The following TSEN2 variants were observed in gnomAD, a reference collection of about 807,000 sequenced individuals.
TSEN2 encodes tRNA splicing endonuclease subunit 2, also known as tRNA-splicing endonuclease subunit Sen2.
A neutral mutation model predicts 59.2 loss-of-function variants in TSEN2; 54 were observed. The ratio of observed to expected loss-of-function variants is 0.91; its 90% CI spans 0.73 to 1.14. TSEN2 has a LOEUF of 1.14. Among genes scored for constraint, TSEN2 ranks in the 50% most tolerant of loss-of-function variants. TSEN2 has a pLI of 0.00. For missense variants in TSEN2, 636 were observed against 576.2 expected, an observed-to-expected ratio of 1.10 and a Z score of -1.06; for synonymous variants, 195 against 198.2, an observed-to-expected ratio of 0.98 and a Z score of 0.14.
At chr3:12,525,599 G>A (rs1037385597) in intron 8 of TSEN2, among the ~76,000 whole-genome samples, 14 of 151,916 alleles carry the variant, frequency 9.2e-5, no homozygotes, top group Admixed American at 7.9e-4. Context: ...CTCTATCCCC[G>A]AGGGTGGAGT....
At chr3:12,510,043 G>A (rs564135368) in intron 6 of TSEN2, among the ~76,000 whole-genome samples, 2 of 152,338 alleles carry the variant, frequency 1.3e-5, no homozygotes, top group South Asian at 2.1e-4. Context: ...ACTTGATACT[G>A]AAGATTCTAA....
chr3:12,492,096 A>G (rs1477179104), intron 2 of TSEN2, 40 bp from the exon 3 acceptor site: 2 of 1,561,994 alleles, frequency 1.3e-6, no homozygotes, highest in Admixed American at 1.7e-5. Context: ...AAAACTGGTA[A>G]CTAAGCATGA....
chr3:12,495,257 G>T (rs370042422), intron 3 of TSEN2, among the ~76,000 whole-genome samples: 55 of 151,412 alleles, frequency 3.6e-4, no homozygotes, highest in East Asian at 2.0e-3. Context: ...GTAACTTTTG[G>T]TTTTTTTGGA....
At chr3:12,525,953 A>AT (rs1457355719) in intron 8 of TSEN2, among the ~76,000 whole-genome samples, 3 of 151,972 alleles carry the variant, frequency 2.0e-5, no homozygotes, top group African/African-American at 7.3e-5. Flanking sequence ...GGTGATAGGG[A>AT]TTTTTCAGCT....
intron 1 of TSEN2, 54 bp downstream of exon 1, chr3:12,484,934 G>GT (rs1559261305): frequency 6.6e-6 from 1 of 152,256 alleles, no homozygotes; most frequent in Admixed American, 6.5e-5. Context: ...GGGGTGCGCA[G>GT]TTTATTTTAT....
At chr3:12,492,806 G>A (rs779447675) in intron 3 of TSEN2, among the ~76,000 whole-genome samples, 7 of 152,152 alleles carry the variant, frequency 4.6e-5, no homozygotes, top group Non-Finnish European at 7.4e-5. Flanking sequence ...ATACTGCATT[G>A]GTGAGGACTT....
chr3:12,512,477 T>C (rs375726368), intron 6 of TSEN2, among the ~76,000 whole-genome samples: 47 of 152,350 alleles, frequency 3.1e-4, no homozygotes, highest in African/African-American at 1.1e-3. Flanking sequence ...GCTCGTTTGG[T>C]TCCTGCCTTT....
intron 10 of TSEN2, 83 bp from the exon 11 acceptor site, chr3:12,531,487 G>T: frequency 1.2e-6 from 1 of 846,668 alleles, no homozygotes; most frequent in South Asian, 1.4e-5. Context: ...AGGGACTGGA[G>T]ACCACCTGCA....
intron 3 of TSEN2, among the ~76,000 whole-genome samples, chr3:12,496,235 C>G (rs1412307087): frequency 6.6e-6 from 1 of 152,228 alleles, no homozygotes; most frequent in Non-Finnish European, 1.5e-5. Flanking sequence ...GAGAGGTTTC[C>G]TCCTGTGCTG....
At chr3:12,509,144 A>C (rs1478357353) in intron 6 of TSEN2, among the ~76,000 whole-genome samples, 2 of 152,044 alleles carry the variant, frequency 1.3e-5, no homozygotes, top group Non-Finnish European at 2.9e-5. Flanking sequence ...AAGCAGTTGC[A>C]TAATGCTGTC....
At chr3:12,515,642 A>C (rs1213224092) in intron 6 of TSEN2, among the ~76,000 whole-genome samples, 5 of 152,194 alleles carry the variant, frequency 3.3e-5, no homozygotes, top group Admixed American at 3.3e-4. Context: ...AGTGTTTGGC[A>C]GTGTATTACT....
At position 12,503,262 on chromosome 3, in the gene TSEN2, G is replaced by A. The variant is rs148549222; in HGVS notation, c.309G>A (p.Arg103=). 1.8e-4 allele frequency: 291 copies of A among 1,614,080 alleles called. No individual in the cohort carries two copies. The highest frequency in any genetic ancestry group is 6.3e-4 in the Admixed American group (38 of 60,014). The change falls in exon 5 of 12, where the codon AGG becomes AGA. Residue 103 remains arginine (R), a splice_region_variant and synonymous_variant. Coordinates refer to ENST00000284995, the MANE Select transcript of TSEN2 (RefSeq NM_025265.4). Reference sequence around the variant, plus strand: ...TTCTAACAGTATTTCTGTCTTGCAGGTATCAGCATAGTGTTGAGTGGGCAG... The same window carrying A: ...TTCTAACAGTATTTCTGTCTTGCAGATATCAGCATAGTGTTGAGTGGGCAG... ...KTNMPIITSK[R]YQHSVEWAAE... is the part of the protein sequence containing the mutation.
intron 9 of TSEN2, 100 bp from the exon 10 acceptor site, chr3:12,529,662 A>G: frequency 9.3e-7 from 1 of 1,079,520 alleles, no homozygotes; most frequent in African/African-American, 1.6e-5. Context: ...AGATGATGCA[A>G]ATTTCATTTT....
chr3:12,493,691 C>T (rs2053459553), intron 3 of TSEN2, among the ~76,000 whole-genome samples: 1 of 152,154 alleles, frequency 6.6e-6, no homozygotes, highest in Non-Finnish European at 1.5e-5. Context: ...TGCACCACTG[C>T]ACTCCAGCCT....
chr3:12,515,004 C>G (rs767596388), intron 6 of TSEN2: 1 of 152,144 alleles, frequency 6.6e-6, no homozygotes, highest in South Asian at 2.1e-4. Context: ...GGCCATCACA[C>G]GTCTTATAGT....
chr3:12,508,800 C>T lies in TSEN2; in HGVS notation c.909+3569C>T, dbSNP rs148419703. ...GAAGAGTTCTGTCTCCATCCGTCTT[C>T]TGCATCCTTCAGTGGACACGCACAC... On this transcript the variant is annotated intron_variant, in intron 6 of 11. Transcript: ENST00000284995. Among the ~76,000 whole-genome samples the T allele has an allele frequency of 1.7e-3, 261 of 152,370 alleles. 3 individuals carry two copies. Among genetic ancestry groups the T allele is most frequent in the Admixed American group, 2.9e-3 (45 of 15,312 alleles).
chr3:12,503,392 G>A lies in TSEN2; in HGVS notation c.439G>A (p.Ala147Thr), dbSNP rs760464978. 8 of 1,614,076 alleles carry A rather than the reference G, an allele frequency of 5.0e-6. No homozygotes were observed. The highest frequency in any genetic ancestry group is 2.2e-5 in the East Asian group (1 of 44,896). The change falls in exon 5 of 12, where the codon GCT becomes ACT. Residue 147 changes from alanine to threonine, a missense_variant. Ala to Thr is a moderately conservative substitution (Grantham distance 58). Coordinates refer to ENST00000284995, the MANE Select transcript of TSEN2 (RefSeq NM_025265.4). ...TCCTCCTGTGAAAAGGAATGAAGAG[G>A]CTCAAGTGCATGACAAGCTTAACTC... Reference protein sequence around the residue: ...EHPPVKRNEEAQVHDKLNSGM... With the variant: ...EHPPVKRNEETQVHDKLNSGM...
downstream of TSEN2, among the ~76,000 whole-genome samples, chr3:12,536,809 G>A (rs1156494987): frequency 6.6e-6 from 1 of 151,826 alleles, no homozygotes; most frequent in Non-Finnish European, 1.5e-5. Flanking sequence ...AAAAACTAGA[G>A]TGGCCAACAT....
intron 1 of TSEN2, among the ~76,000 whole-genome samples, chr3:12,487,574 A>G (rs1019958978): frequency 6.6e-6 from 1 of 152,222 alleles, no homozygotes; most frequent in Non-Finnish European, 1.5e-5. Context: ...GAAAAATCCC[A>G]TAAAAGTCCA....
Sources: allele counts gnomAD v4.1 joint callset (sites outside exome capture counted in the v4.1 genomes callset), GRCh38; gene constraint gnomAD v4.1.1; transcripts MANE v1.5; gene names NCBI Gene and HGNC (gene_info 2026-07-23, HGNC 2026-07-21).